The following GSDMC variants were observed in gnomAD, a reference collection of about 807,000 sequenced individuals.
The protein encoded by GSDMC is gasdermin-C.
A neutral mutation model predicts 58.0 loss-of-function variants in GSDMC; 59 were observed. The ratio of observed to expected loss-of-function variants is 1.02; its 90% CI spans 0.82 to 1.26. The LOEUF is 1.26. Ranked by LOEUF, GSDMC falls within the 50% of genes most tolerant of loss-of-function variation. The probability of loss-of-function intolerance (pLI) is 0.00; values close to 1 mark genes in which losing one functional copy is unlikely to be tolerated. For missense variants in GSDMC, 659 were observed against 598.5 expected, an observed-to-expected ratio of 1.10 and a Z score of -1.06; for synonymous variants, 241 against 220.2, an observed-to-expected ratio of 1.09 and a Z score of -0.83.
Position 129,748,464 on chromosome 8 carries a change from G to A in GSDMC, c.*37C>T, listed in dbSNP as rs754311687. On this transcript the variant is annotated 3_prime_UTR_variant, in exon 14 of 14. Coordinates refer to ENST00000276708, the MANE Select transcript of GSDMC (RefSeq NM_031415.3). ...CACTCACAGCATAGACTGGGCGAGG[G>A]CCAGCATCTCTGGACTGACTGCCCA... 1.9e-6 allele frequency: 3 copies of A among 1,563,618 alleles called. No homozygotes were observed. Among genetic ancestry groups the A allele is most frequent in the East Asian group, 4.5e-5 (2 of 44,064 alleles).
chr8:129,749,008 T>C (rs1204822376), intron 13 of GSDMC, among the ~76,000 whole-genome samples: 1 of 152,200 alleles, frequency 6.6e-6, no homozygotes, highest in Non-Finnish European at 1.5e-5. Context: ...TGTATATGCA[T>C]ATATGTATGT....
In GSDMC at chr8:129,748,599, G is replaced by T; in HGVS notation, c.1429C>A (p.Leu477Met). Reference protein sequence around the residue: ...LLEECGLRMELDNPRSTWDVE... With the variant: ...LLEECGLRMEMDNPRSTWDVE... ...TCCCAGGTTGACCTGGGGTTATCCA[G>T]CTCCATCCTAAGGCCACACTCCTCC... Residue 477 changes from leucine (L) to methionine (M), a missense_variant, in exon 14 of 14, where the codon CTG becomes ATG. Leu to Met is a conservative substitution (Grantham distance 15, BLOSUM62 2). Coordinates refer to ENST00000276708, the MANE Select transcript of GSDMC (RefSeq NM_031415.3). 6.2e-7 allele frequency: 1 copy of T among 1,613,738 alleles called. No homozygotes were observed. The highest frequency in any genetic ancestry group is 1.1e-5 in the South Asian group (1 of 91,012).
chr8:129,781,740 A>G (rs1586624219), intron 1 of GSDMC, among the ~76,000 whole-genome samples: 1 of 112,776 alleles, frequency 8.9e-6, no homozygotes, highest in Admixed American at 1.0e-4. Context: ...ACAGAGCGAG[A>G]CTCCATCTCA....
chr8:129,748,785 A>C, intron 13 of GSDMC, 45 bp from the exon 14 acceptor site: 4 of 1,444,834 alleles, frequency 2.8e-6, no homozygotes, highest in Non-Finnish European at 3.7e-6. Context: ...CTTTAAGATG[A>C]GGAAGAGAAG....
chr8:129,715,821 T>C, the GSDMC span, among the ~76,000 whole-genome samples: 2 of 152,152 alleles, frequency 1.3e-5, no homozygotes, highest in African/African-American at 2.4e-5. Flanking sequence ...TTAAACAAAC[T>C]AATCTGTTTA....
At chr8:129,709,614 A>AGAT in the GSDMC span, among the ~76,000 whole-genome samples, 1 of 151,708 alleles carries the variant, frequency 6.6e-6, no homozygotes, top group African/African-American at 2.4e-5. Flanking sequence ...ATAGATAGAT[A>AGAT]GATAGATAGA....
intron 3 of GSDMC, among the ~76,000 whole-genome samples, chr8:129,768,203 C>A (rs1262105707): frequency 6.6e-6 from 1 of 152,184 alleles, no homozygotes. Context: ...AACAGCCAAT[C>A]CATCTAGAAC....
At chr8:129,750,208 G>T in intron 11 of GSDMC, 89 bp from the exon 12 acceptor site, 1 of 1,157,614 alleles carries the variant, frequency 8.6e-7, no homozygotes, top group Non-Finnish European at 1.2e-6. Flanking sequence ...TAACCAAGGG[G>T]TAGGCATGAG....
In GSDMC at chr8:129,750,027, T is replaced by A. The variant is rs754085366; in HGVS notation, c.1176A>T (p.Pro392=). The change falls in exon 12 of 14, where the codon CCA becomes CCT. Residue 392 remains proline (P), a synonymous_variant. Transcript: ENST00000276708. The stretch of plus-strand genomic sequence containing the variant: ...CAAGGAGATAAAGAATGGGGTCCTT[T>A]GGGTTAAACCATGCATGGTTTGAAT... ...QQDSNHAWFN[P]KDPILYLLEA... 6.2e-7 allele frequency: 1 copy of A among 1,610,288 alleles called. No homozygotes were observed. Among genetic ancestry groups the A allele is most frequent in the South Asian group, 1.1e-5 (1 of 89,960 alleles).
At chr8:129,752,647 C>A (rs1563789594) in intron 7 of GSDMC, 51 bp downstream of exon 7, 15 of 1,602,546 alleles carry the variant, frequency 9.4e-6, no homozygotes, top group Non-Finnish European at 1.2e-5. Context: ...ACTATCTGCA[C>A]AAAGAAAAGC....
the GSDMC span, among the ~76,000 whole-genome samples, chr8:129,727,778 A>G: frequency 6.6e-6 from 1 of 152,148 alleles, no homozygotes; most frequent in African/African-American, 2.4e-5. Flanking sequence ...GTAGGGTAGG[A>G]GCCTCCACAG....
At chr8:129,730,030 G>A in the GSDMC span, 2 of 1,291,534 alleles carry the variant, frequency 1.5e-6, no homozygotes, top group East Asian at 2.3e-5. Flanking sequence ...AAAAGGATGA[G>A]AAGGAAAAGG....
intron 1 of GSDMC, among the ~76,000 whole-genome samples, chr8:129,778,986 A>C (rs1337743530): frequency 6.6e-6 from 1 of 152,188 alleles, no homozygotes; most frequent in African/African-American, 2.4e-5. Context: ...TGTGGAGAAA[A>C]AGGAATGCTT....
chr8:129,770,292 C>G (rs939556837), intron 3 of GSDMC, among the ~76,000 whole-genome samples: 9 of 152,088 alleles, frequency 5.9e-5, no homozygotes, highest in Non-Finnish European at 1.5e-5. Context: ...GCCAGGAGTT[C>G]AAGACCAGCC....
At chr8:129,746,004 C>T (rs1424610537), downstream of GSDMC, among the ~76,000 whole-genome samples, 1 of 107,846 alleles carries the variant, frequency 9.3e-6, no homozygotes, top group African/African-American at 2.6e-5. Context: ...GAGAAAAACT[C>T]ATTTACCCTA....
the GSDMC span, among the ~76,000 whole-genome samples, chr8:129,736,843 T>C: frequency 1.3e-5 from 2 of 152,268 alleles, no homozygotes; most frequent in Middle Eastern, 3.4e-3. Flanking sequence ...AAAGAGGAAG[T>C]CAAATTGTCC....
intron 5 of GSDMC, among the ~76,000 whole-genome samples, chr8:129,761,772 T>C (rs1258926367): frequency 2.0e-5 from 3 of 152,186 alleles, no homozygotes; most frequent in Admixed American, 6.5e-5. Context: ...TTGGATATGG[T>C]CAGTCTTTCC....
the GSDMC span, among the ~76,000 whole-genome samples, chr8:129,719,759 ACATGGTGAAACCCCG>A: frequency 6.6e-6 from 1 of 152,174 alleles, no homozygotes; most frequent in Non-Finnish European, 1.5e-5. Flanking sequence ...AGCCTGGCCA[ACATGGTGAAACCCCG>A]TCTCTACTAA....
Position 129,748,602 on chromosome 8 carries a change from C to G in GSDMC, c.1426G>C (p.Glu476Gln). The G allele has an allele frequency of 6.2e-7, 1 of 1,613,758 alleles. No homozygotes were observed. Among genetic ancestry groups the G allele is most frequent in the Non-Finnish European group, 8.5e-7 (1 of 1,179,840 alleles). The change falls in exon 14 of 14, where the codon GAG (glutamate) becomes CAG (glutamine). Residue 476 changes from glutamate (E) to glutamine (Q), a missense_variant. Glu to Gln is a conservative substitution (Grantham distance 29). Coordinates refer to ENST00000276708, the MANE Select transcript of GSDMC (RefSeq NM_031415.3). ...GLLEECGLRMELDNPRSTWDV... is the reference protein window; with the variant it reads ...GLLEECGLRMQLDNPRSTWDV... ...CAGGTTGACCTGGGGTTATCCAGCTCCATCCTAAGGCCACACTCCTCCAGC... is the reference window on the plus strand; with the variant it reads ...CAGGTTGACCTGGGGTTATCCAGCTGCATCCTAAGGCCACACTCCTCCAGC...
Sources: allele counts gnomAD v4.1 joint callset (sites outside exome capture counted in the v4.1 genomes callset), GRCh38; gene constraint gnomAD v4.1.1; transcripts MANE v1.5; gene names NCBI Gene and HGNC (gene_info 2026-07-23, HGNC 2026-07-21).